ZNF804A: variants seen among roughly 807,000 people sequenced by gnomAD.
ZNF804A encodes zinc finger protein 804A.
Under a neutral mutation model 16.5 loss-of-function variants are expected in ZNF804A, and 2 were observed. The ratio of observed to expected loss-of-function variants is 0.12; its 90% CI spans 0.05 to 0.38. ZNF804A has a LOEUF of 0.38. Among genes scored for constraint, ZNF804A ranks in the 10% least tolerant of loss-of-function variants. The probability of loss-of-function intolerance (pLI) is 0.99; values close to 1 mark genes in which losing one functional copy is unlikely to be tolerated. For synonymous variants in ZNF804A, 534 were observed against 489.6 expected (o/e 1.09, Z -1.20); for missense variants, 1,473 against 1,390.7 (o/e 1.06, Z -0.94).
intron 1 of ZNF804A, among the ~76,000 whole-genome samples, chr2:184,657,237 C>T (rs1212626849): frequency 6.6e-6 from 1 of 152,034 alleles, no homozygotes; most frequent in Non-Finnish European, 1.5e-5. Flanking sequence ...AGGCATACAC[C>T]CCAATGCCTG....
chr2:184,661,328 C>T lies in ZNF804A; in HGVS notation c.111+62258C>T, dbSNP rs574065237. On this transcript the variant is annotated intron_variant, in intron 1 of 3. Transcript: ENST00000302277. Reference sequence around the variant, plus strand: ...GAGGGTTACAGCTCTTTCACTCGCACCAACCACAGCTCAGCGAGTGTTACA... The same window carrying T: ...GAGGGTTACAGCTCTTTCACTCGCATCAACCACAGCTCAGCGAGTGTTACA... Among the ~76,000 whole-genome samples, 109 of 152,264 alleles carry T rather than the reference C, an allele frequency of 7.2e-4. 1 individual carries two copies. Among genetic ancestry groups the T allele is most frequent in the Admixed American group, 2.0e-3 (30 of 15,290 alleles).
At chr2:184,756,082 A>T (rs976781473) in intron 1 of ZNF804A, among the ~76,000 whole-genome samples, 1 of 151,984 alleles carries the variant, frequency 6.6e-6, no homozygotes, top group Non-Finnish European at 1.5e-5. Flanking sequence ...AGCTATAGTT[A>T]AAATGTGCTT....
At chr2:184,724,615 G>A (rs1447086036) in intron 1 of ZNF804A, among the ~76,000 whole-genome samples, 2 of 151,618 alleles carry the variant, frequency 1.3e-5, no homozygotes, top group African/African-American at 2.4e-5. Context: ...TAGTCACTCT[G>A]TTATTGGCAA....
intron 1 of ZNF804A, among the ~76,000 whole-genome samples, chr2:184,836,590 A>C (rs1695348739): frequency 6.6e-6 from 1 of 152,070 alleles, no homozygotes. Context: ...TTGTGTTCTT[A>C]AAATCAATAT....
At chr2:184,917,714 G>T (rs1408370371) in intron 2 of ZNF804A, among the ~76,000 whole-genome samples, 1 of 151,618 alleles carries the variant, frequency 6.6e-6, no homozygotes, top group East Asian at 1.9e-4. Context: ...GTAAATATAA[G>T]ATTTGGTATT....
At chr2:184,696,921 GA>G (rs902215269) in intron 1 of ZNF804A, among the ~76,000 whole-genome samples, 14 of 150,948 alleles carry the variant, frequency 9.3e-5, no homozygotes, top group African/African-American at 2.4e-4. Context: ...CAAATGTAAC[GA>G]AAAAAAATCA....
intron 1 of ZNF804A, among the ~76,000 whole-genome samples, chr2:184,794,583 T>G (rs193015896): frequency 6.6e-6 from 1 of 152,086 alleles, no homozygotes; most frequent in East Asian, 1.9e-4. Context: ...AAAAATACTT[T>G]TTTAAAGAAA....
chr2:184,724,046 C>T (rs1194136161), intron 1 of ZNF804A, among the ~76,000 whole-genome samples: 1 of 151,602 alleles, frequency 6.6e-6, no homozygotes, highest in African/African-American at 2.4e-5. Context: ...TGTTATATAT[C>T]TCTTATAATA....
At chr2:184,897,003 A>T (rs971924995) in intron 2 of ZNF804A, among the ~76,000 whole-genome samples, 2 of 151,986 alleles carry the variant, frequency 1.3e-5, no homozygotes, top group African/African-American at 4.8e-5. Context: ...GTTAATTCTG[A>T]CTTGAATTCC....
Position 184,937,883 on chromosome 2 carries a change from A to G in ZNF804A, c.2487A>G (p.Lys829=), listed in dbSNP as rs1685819218. The change falls in exon 4 of 4, where the codon AAA becomes AAG. Residue 829 remains lysine (K), a synonymous_variant. Transcript: ENST00000302277. The stretch of plus-strand genomic sequence containing the variant: ...CCGGATTTGAAACTTTAGAACTCAA[A>G]GAAAATACAGATTATCCCGTGAAAG... ...FHPGFETLEL[K]ENTDYPVKDN... is the part of the protein sequence containing the mutation. 2 of 1,614,160 alleles carry G rather than the reference A, an allele frequency of 1.2e-6. No homozygotes were observed. The highest frequency in any genetic ancestry group is 1.3e-5 in the African/African-American group (1 of 75,068).
intron 1 of ZNF804A, among the ~76,000 whole-genome samples, chr2:184,729,995 C>T (rs1693486519): frequency 6.6e-6 from 1 of 152,070 alleles, no homozygotes; most frequent in South Asian, 2.1e-4. Flanking sequence ...GGTCCTGACT[C>T]ATAGTATATG....
chr2:184,799,399 T>G (rs1694688133), intron 1 of ZNF804A, among the ~76,000 whole-genome samples: 1 of 152,176 alleles, frequency 6.6e-6, no homozygotes, highest in African/African-American at 2.4e-5. Flanking sequence ...ATTCTATGTT[T>G]TGAAGTTTTT....
intron 1 of ZNF804A, among the ~76,000 whole-genome samples, chr2:184,688,308 T>C (rs1045540184): frequency 1.3e-5 from 2 of 151,558 alleles, no homozygotes; most frequent in Admixed American, 6.6e-5. Context: ...TTATGTATCA[T>C]TGGAGAAATC....
intron 1 of ZNF804A, among the ~76,000 whole-genome samples, chr2:184,653,087 G>A (rs1692015114): frequency 6.6e-6 from 1 of 151,992 alleles, no homozygotes; most frequent in South Asian, 2.1e-4. Flanking sequence ...TTTCTTCATA[G>A]CAGCTCAAGA....
At chr2:184,830,528 A>G (rs1438602430) in intron 1 of ZNF804A, among the ~76,000 whole-genome samples, 1 of 152,150 alleles carries the variant, frequency 6.6e-6, no homozygotes. Context: ...CATTTGAGAC[A>G]GGCATTTTTG....
intron 1 of ZNF804A, among the ~76,000 whole-genome samples, chr2:184,607,497 A>C (rs998772825): frequency 6.6e-6 from 1 of 152,032 alleles, no homozygotes; most frequent in African/African-American, 2.4e-5. Context: ...AGCCCCTTAT[A>C]AAACCATCAA....
At chr2:184,646,097 C>T (rs1198559700) in intron 1 of ZNF804A, among the ~76,000 whole-genome samples, 1 of 152,164 alleles carries the variant, frequency 6.6e-6, no homozygotes, top group Non-Finnish European at 1.5e-5. Context: ...CATTTTTAGC[C>T]AACCACATAC....
chr2:184,823,589 C>A (rs1415770024), intron 1 of ZNF804A, among the ~76,000 whole-genome samples: 3 of 152,042 alleles, frequency 2.0e-5, no homozygotes, highest in Non-Finnish European at 2.9e-5. Context: ...TCAAAATTGT[C>A]TACAACAAAT....
At chr2:184,617,194 G>T (rs1327720323) in intron 1 of ZNF804A, among the ~76,000 whole-genome samples, 1 of 152,062 alleles carries the variant, frequency 6.6e-6, no homozygotes, top group Non-Finnish European at 1.5e-5. Context: ...GGGTGGAAAT[G>T]TAAGACTATT....
Sources: gnomAD v4.1 joint callset for allele counts (sites outside exome capture counted in the v4.1 genomes callset) on GRCh38, gnomAD v4.1.1 for gene constraint, MANE v1.5 for transcripts, NCBI Gene and HGNC (gene_info 2026-07-23, HGNC 2026-07-21) for gene names.